The following EXOSC4 variants were observed in gnomAD, a reference collection of about 807,000 sequenced individuals.
The protein encoded by EXOSC4 is exosome component 4, also known as exosome complex component RRP41.
A neutral mutation model predicts 20.0 loss-of-function variants in EXOSC4; 14 were observed. That is an observed-to-expected ratio of 0.70 (90% CI 0.46 to 1.09). The LOEUF (loss-of-function observed/expected upper bound fraction) is 1.09. Among genes scored for constraint, EXOSC4 ranks in the 50% least tolerant of loss-of-function variants. The pLI is 0.00. For synonymous variants in EXOSC4, 148 were observed against 146.4 expected (o/e 1.01, Z -0.08); for missense variants, 337 against 334.0 (o/e 1.01, Z -0.07).
At chr8:144,078,573 G>A (rs1219756372), upstream of EXOSC4, 4 of 753,608 alleles carry the variant, frequency 5.3e-6, no homozygotes, top group Admixed American at 4.3e-5. This position sits in a 1 kb window ranked among gnomAD's most constrained non-coding sequence, Gnocchi z 4.7. Flanking sequence ...GCAGATCCAC[G>A]GAGGTCAGGG....
the EXOSC4 span, among the ~76,000 whole-genome samples, chr8:144,064,867 A>G: frequency 1.6e-5 from 2 of 126,388 alleles, no homozygotes; most frequent in Non-Finnish European, 3.2e-5. Context: ...TTTGAGATGG[A>G]GTCTTGCTCT....
chr8:144,074,767 T>C (rs550706377), upstream of EXOSC4, among the ~76,000 whole-genome samples: 49 of 152,238 alleles, frequency 3.2e-4, no homozygotes, highest in Admixed American at 1.1e-3. Flanking sequence ...AGAGATAGTG[T>C]GTCACTATGT....
upstream of EXOSC4, among the ~76,000 whole-genome samples, chr8:144,077,366 G>C (rs1286803447): frequency 6.6e-6 from 1 of 152,250 alleles, no homozygotes; most frequent in South Asian, 2.1e-4. Context: ...CTGTAGAGCA[G>C]AGGGTGGGGA....
chr8:144,078,495 G>C (rs1452296327), upstream of EXOSC4: 2 of 387,538 alleles, frequency 5.2e-6, no homozygotes, highest in Non-Finnish European at 9.1e-6. The surrounding 1 kb of genome is among the most constrained non-coding windows in gnomAD (Gnocchi z 4.7). Flanking sequence ...CCGTAGATCC[G>C]GGGAGGTCGG....
upstream of EXOSC4, among the ~76,000 whole-genome samples, chr8:144,074,223 T>C (rs1020403428): frequency 6.6e-5 from 10 of 152,330 alleles, no homozygotes; most frequent in East Asian, 1.9e-3. Context: ...CAGCTAAAAC[T>C]GTCTCTTCCC....
chr8:144,065,359 G>A, the EXOSC4 span, among the ~76,000 whole-genome samples: 2 of 152,174 alleles, frequency 1.3e-5, no homozygotes, highest in African/African-American at 4.8e-5. Context: ...ACCTGTGCGA[G>A]TGGGGGCAGT....
At chr8:144,073,569 C>A in the EXOSC4 span, among the ~76,000 whole-genome samples, 1 of 151,442 alleles carries the variant, frequency 6.6e-6, no homozygotes. Flanking sequence ...ATACTAACGA[C>A]CGGCCGGGTG....
the EXOSC4 span, among the ~76,000 whole-genome samples, chr8:144,069,368 G>A: frequency 6.6e-6 from 1 of 152,216 alleles, no homozygotes; most frequent in East Asian, 1.9e-4. Flanking sequence ...TAAAATCAAG[G>A]CTTTTACAGG....
At chr8:144,072,450 G>A in the EXOSC4 span, among the ~76,000 whole-genome samples, 1 of 152,136 alleles carries the variant, frequency 6.6e-6, no homozygotes, top group East Asian at 1.9e-4. Context: ...CAAAGTGCTT[G>A]GATTACAGGT....
At chr8:144,079,889 G>A (rs782755725) in intron 1 of EXOSC4, 54 bp from the exon 2 acceptor site, 46 of 1,547,894 alleles carry the variant, frequency 3.0e-5, no homozygotes, top group Non-Finnish European at 4.0e-5. Context: ...ACAGAGGACA[G>A]TGGAGTGTGA....
rs1554763290 is a variant in EXOSC4 at position 144,080,245 on chromosome 8, C to T, written c.382C>T (p.Leu128=). 1.2e-6 allele frequency: 2 copies of T among 1,613,094 alleles called. No individual in the cohort carries two copies. Among genetic ancestry groups the T allele is most frequent in the Non-Finnish European group, 8.5e-7 (1 of 1,179,384 alleles). The part of the protein sequence containing the change: ...RSQIDIYVQV[L]QADGGTYAAC... ...TGACACCCTGGGTTCCCTGCAGGTG[C>T]TACAGGCAGATGGTGGGACCTATGC... The change falls in exon 3 of 3, where the codon CTA becomes TTA. Residue 128 remains leucine (L), a synonymous_variant. Transcript: ENST00000316052. The surrounding 1 kb of genome is among the most constrained non-coding windows in gnomAD (Gnocchi z 4.9).
chr8:144,079,016 C>G, intron 1 of EXOSC4, 117 bp downstream of exon 1: 1 of 1,160,698 alleles, frequency 8.6e-7, no homozygotes, highest in Non-Finnish European at 1.1e-6. Context: ...TCTACACAGC[C>G]GATGCTCAGC....
At chr8:144,069,155 A>C in the EXOSC4 span, among the ~76,000 whole-genome samples, 1 of 152,222 alleles carries the variant, frequency 6.6e-6, no homozygotes. Flanking sequence ...CAACAAAGAA[A>C]GGATCCTGCA....
chr8:144,077,409 C>T (rs1321012441), upstream of EXOSC4, among the ~76,000 whole-genome samples: 1 of 152,112 alleles, frequency 6.6e-6, no homozygotes, highest in Non-Finnish European at 1.5e-5. Flanking sequence ...GGGTGGTGAC[C>T]CATCATGGCC....
the EXOSC4 span, among the ~76,000 whole-genome samples, chr8:144,072,094 T>G: frequency 6.6e-6 from 1 of 152,266 alleles, no homozygotes; most frequent in Non-Finnish European, 1.5e-5. Flanking sequence ...ATTTACGACA[T>G]CCGTCACCTG....
chr8:144,074,494 A>G (rs1327672032), upstream of EXOSC4, among the ~76,000 whole-genome samples: 1 of 152,198 alleles, frequency 6.6e-6, no homozygotes, highest in Non-Finnish European at 1.5e-5. Flanking sequence ...TGCCAACTCA[A>G]AGAGGATCTA....
the EXOSC4 span, among the ~76,000 whole-genome samples, chr8:144,065,985 G>GTT: frequency 8.9e-5 from 11 of 123,782 alleles, no homozygotes; most frequent in Non-Finnish European, 1.7e-4. Flanking sequence ...TAGTTTTTTT[G>GTT]TTTTTTTTTT....
the EXOSC4 span, among the ~76,000 whole-genome samples, chr8:144,073,024 G>A: frequency 6.6e-6 from 1 of 152,250 alleles, no homozygotes. Context: ...TGGCCATGGT[G>A]GCAGGGACAG....
chr8:144,072,572 C>T, the EXOSC4 span, among the ~76,000 whole-genome samples: 3 of 152,212 alleles, frequency 2.0e-5, no homozygotes, highest in African/African-American at 7.2e-5. Context: ...ACGCACCATT[C>T]CCAGTCTCTG....
Sources: gnomAD v4.1 joint callset for allele counts (sites outside exome capture counted in the v4.1 genomes callset) on GRCh38, gnomAD v4.1.1 for gene constraint, Gnocchi (gnomAD v3.1) non-coding constraint, MANE v1.5 for transcripts, NCBI Gene and HGNC (gene_info 2026-07-23, HGNC 2026-07-21) for gene names.